ABL1: variants seen among roughly 807,000 people sequenced by gnomAD.
ABL1 encodes the protein tyrosine-protein kinase ABL1.
A neutral mutation model predicts 94.7 loss-of-function variants in ABL1; 11 were observed. The ratio of observed to expected loss-of-function variants is 0.12; its 90% CI spans 0.07 to 0.19. ABL1 has a LOEUF of 0.19. Ranked by LOEUF, ABL1 falls within the 10% of genes least tolerant of loss-of-function variation. The pLI is 1.00. For synonymous variants in ABL1, 656 were observed against 622.4 expected (o/e 1.05, Z -0.80); for missense variants, 1,082 against 1,489.4 (o/e 0.73, Z 4.50).
At chr9:130,848,001 T>C (rs770618468) in intron 1 of ABL1, among the ~76,000 whole-genome samples, 2 of 152,178 alleles carry the variant, frequency 1.3e-5, no homozygotes, top group Admixed American at 6.5e-5. Context: ...GAATGTTTGA[T>C]AGAAGAGGTC....
Position 130,835,658 on chromosome 9 carries a change from C to T in ABL1, c.79+133C>T, listed in dbSNP as rs964089623. ...GGTCTTGTCTTTTTTTTCTTTCTTC[C>T]CTCTTCTCTTCTCTTCTCTTCAGTT... is the stretch of plus-strand genomic sequence containing the variant. On this transcript the variant is annotated intron_variant, in intron 1 of 10. Transcript: ENST00000318560. This position sits in a 1 kb window ranked among gnomAD's most constrained non-coding sequence, Gnocchi z 4.6. The T allele has an allele frequency of 1.3e-5, 7 of 541,306 alleles. No individual in the cohort carries two copies. Among genetic ancestry groups the T allele is most frequent in the Non-Finnish European group, 2.0e-5 (6 of 299,930 alleles). The allele number at this position is 541,306 out of a possible 1,614,324, so 33.5% of individuals were successfully genotyped here. A position where few individuals can be genotyped will look rare whatever the true frequency, so the allele number is the denominator to read the frequency against.
At chr9:130,729,010 G>C (rs1169487655) in intron 1 of ABL1, among the ~76,000 whole-genome samples, 1 of 152,178 alleles carries the variant, frequency 6.6e-6, no homozygotes, top group Non-Finnish European at 1.5e-5. Context: ...TTAGGTTACT[G>C]TAGTTACTTA....
chr9:130,732,216 A>G (rs548305846), intron 1 of ABL1, among the ~76,000 whole-genome samples: 14 of 152,252 alleles, frequency 9.2e-5, no homozygotes, highest in Admixed American at 3.3e-4. Flanking sequence ...TGTATCAGGT[A>G]CTGTGTCAGT....
At chr9:130,839,525 C>T (rs1392843529) in intron 1 of ABL1, among the ~76,000 whole-genome samples, 4 of 152,210 alleles carry the variant, frequency 2.6e-5, no homozygotes, top group South Asian at 2.1e-4. Context: ...GCACTGAGCA[C>T]ATCATGTGCA....
chr9:130,725,649 G>C (rs1280715506), intron 1 of ABL1, among the ~76,000 whole-genome samples: 4 of 151,498 alleles, frequency 2.6e-5, no homozygotes, highest in African/African-American at 9.7e-5. Flanking sequence ...CAAAGTGCGG[G>C]GATTACAGGC....
At chr9:130,759,022 G>T (rs1479040953) in intron 1 of ABL1, among the ~76,000 whole-genome samples, 1 of 152,164 alleles carries the variant, frequency 6.6e-6, no homozygotes, top group Non-Finnish European at 1.5e-5. Flanking sequence ...CGAACACTGA[G>T]CTGGTCATTG....
intron 1 of ABL1, among the ~76,000 whole-genome samples, chr9:130,738,293 T>C (rs1423910369): frequency 1.3e-5 from 2 of 152,166 alleles, no homozygotes; most frequent in Non-Finnish European, 2.9e-5. Flanking sequence ...TTTAGACCAA[T>C]AGTAGTAACA....
chr9:130,762,643 G>A (rs1346125996), intron 1 of ABL1, among the ~76,000 whole-genome samples: 1 of 152,070 alleles, frequency 6.6e-6, no homozygotes, highest in Admixed American at 6.5e-5. Flanking sequence ...TGGGCGTGGT[G>A]GCTCACACCT....
rs769147225 is a variant in ABL1 at position 130,884,379 on chromosome 9, C to T, written c.2089C>T (p.Arg697Cys). The T allele has an allele frequency of 2.5e-5, 41 of 1,611,816 alleles. No individual in the cohort carries two copies. Among genetic ancestry groups the T allele is most frequent in the South Asian group, 5.5e-5 (5 of 91,048 alleles). ...WKKSSTLTSS[R>C]LATGEEEGGG... ...GAAGTCCAGCACGCTGACCAGCAGC[C>T]GCCTAGCCACCGGCGAGGAGGAGGG... The change falls in exon 11 of 11, where the codon CGC (arginine) becomes TGC (cysteine). Residue 697 changes from arginine to cysteine, a missense_variant. This residue lies in a region of ABL1 where 780 missense variants were observed against 835.8 expected (regional missense o/e 0.93). Transcript: ENST00000318560. The surrounding 1 kb of genome is among the most constrained non-coding windows in gnomAD (Gnocchi z 5.6).
intron 1 of ABL1, among the ~76,000 whole-genome samples, chr9:130,810,517 G>C (rs963359737): frequency 4.3e-5 from 6 of 141,064 alleles, no homozygotes; most frequent in African/African-American, 1.5e-4. Context: ...AAGATACAGA[G>C]ATGAAAAATA....
chr9:130,725,835 T>TG (rs1554756999), intron 1 of ABL1, among the ~76,000 whole-genome samples: 1 of 75,972 alleles, frequency 1.3e-5, no homozygotes, highest in African/African-American at 7.7e-5. Context: ...TTTTTTTTTT[T>TG]TTTTTTTTTT....
In ABL1 at chr9:130,863,498, A is replaced by G. The variant is rs867203438; in HGVS notation, c.822+463A>G. Among the ~76,000 whole-genome samples, 5 of 152,224 alleles carry G rather than the reference A, an allele frequency of 3.3e-5. No homozygotes were observed. The highest frequency in any genetic ancestry group is 6.5e-5 in the Admixed American group (1 of 15,286). ...GAAGGCAGGTGCCCTGGGCATCCCC[A>G]GTGGGTTCCAATTCTGCAGCTGCCC... On this transcript the variant is annotated intron_variant, in intron 4 of 10. Coordinates refer to ENST00000318560, the MANE Select transcript of ABL1 (RefSeq NM_005157.6). This position sits in a 1 kb window ranked among gnomAD's most constrained non-coding sequence, Gnocchi z 4.3.
chr9:130,885,558 C>T lies in ABL1; in HGVS notation c.3268C>T (p.Leu1090=), dbSNP rs143964730. ...TGCCTTCCGAGAGGCCATCAACAAA[C>T]TGGAGAATAATCTCCGGGAGCTTCA... ...KFAFREAINK[L]ENNLRELQIC... Residue 1090 remains leucine (L), a synonymous_variant, in exon 11 of 11, where the codon CTG becomes TTG. Coordinates refer to ENST00000318560, the MANE Select transcript of ABL1 (RefSeq NM_005157.6). 2.6e-5 allele frequency: 42 copies of T among 1,614,122 alleles called. No homozygotes were observed. In the African/African-American group the frequency reaches 4.3e-4, roughly 16 times the overall value.
chr9:130,860,989 C>T (rs187971055), intron 3 of ABL1, among the ~76,000 whole-genome samples: 8 of 152,280 alleles, frequency 5.3e-5, no homozygotes, highest in African/African-American at 1.9e-4. Flanking sequence ...TGCCGACTTC[C>T]GCTCCCCGAC....
chr9:130,792,221 G>A (rs1363247353), intron 1 of ABL1, among the ~76,000 whole-genome samples: 2 of 152,108 alleles, frequency 1.3e-5, no homozygotes, highest in Non-Finnish European at 2.9e-5. Flanking sequence ...TTTACACGTC[G>A]AGTCTTACAG....
At chr9:130,731,339 A>T (rs1831664661) in intron 1 of ABL1, among the ~76,000 whole-genome samples, 1 of 152,112 alleles carries the variant, frequency 6.6e-6, no homozygotes, top group Admixed American at 6.5e-5. Flanking sequence ...GTCTTTGATA[A>T]ACCTTAATTT....
At chr9:130,791,588 C>T (rs1188326453) in intron 1 of ABL1, among the ~76,000 whole-genome samples, 1 of 152,148 alleles carries the variant, frequency 6.6e-6, no homozygotes, top group African/African-American at 2.4e-5. Context: ...GATAAGCTTG[C>T]TGAGTCTCCT....
chr9:130,873,730 C>T (rs983204745), intron 6 of ABL1, among the ~76,000 whole-genome samples: 6 of 152,170 alleles, frequency 3.9e-5, no homozygotes, highest in African/African-American at 1.4e-4. Flanking sequence ...AGCAAAGCGA[C>T]GGCCTGTGCA....
At chr9:130,807,695 GTTTTTTTT>G (rs1201794127) in intron 1 of ABL1, among the ~76,000 whole-genome samples, 1 of 73,696 alleles carries the variant, frequency 1.4e-5, no homozygotes, top group Non-Finnish European at 2.5e-5. Flanking sequence ...TATATATATA[GTTTTTTTT>G]TTTTTTTTTT....
Sources: allele counts gnomAD v4.1 joint callset (sites outside exome capture counted in the v4.1 genomes callset), GRCh38; gene constraint gnomAD v4.1.1; regional missense constraint gnomAD v4.1.1; non-coding constraint Gnocchi (gnomAD v3.1); transcripts MANE v1.5; gene names NCBI Gene and HGNC (gene_info 2026-07-23, HGNC 2026-07-21).